Variants in PSMC5 observed in about 807,000 individuals in gnomAD.
The protein encoded by PSMC5 is proteasome 26S subunit, ATPase 5.
PSMC5 carries 11 observed loss-of-function variants against 49.1 expected under a neutral mutation model. The observed-to-expected ratio is 0.22, with a 90% CI of 0.14 to 0.37. The LOEUF (loss-of-function observed/expected upper bound fraction) is 0.37, where lower values mean the gene tolerates loss of function less well. Among genes scored for constraint, PSMC5 ranks in the 10% least tolerant of loss-of-function variants. The pLI is 1.00. For missense variants in PSMC5, 229 were observed against 520.9 expected (o/e 0.44, Z 5.45); for synonymous variants, 206 against 192.2 (o/e 1.07, Z -0.59).
In PSMC5 at chr17:63,831,484, G is replaced by C. The variant is rs1322829528; in HGVS notation, c.970-22G>C. The stretch of plus-strand genomic sequence containing the variant: ...CTGTGGGGGTGGGGTGTGGGGCTCA[G>C]GCTTTTCCTTGCCATCTCCAGGCCC... On this transcript the variant is annotated intron_variant, in intron 9 of 11. Transcript: ENST00000310144. This position sits in a 1 kb window ranked among gnomAD's most constrained non-coding sequence, Gnocchi z 6.3. The C allele has an allele frequency of 1.9e-6, 3 of 1,613,518 alleles. No individual in the cohort carries two copies. The highest frequency in any genetic ancestry group is 1.3e-5 in the African/African-American group (1 of 74,910).
At chr17:63,828,485 C>T (rs1435201275) in intron 2 of PSMC5, 1 of 320,482 alleles carries the variant, frequency 3.1e-6, no homozygotes, top group African/African-American at 2.2e-5. Flanking sequence ...AAGGTCAACC[C>T]TTTTGGAAGA....
Position 63,831,416 on chromosome 17 carries a change from C to T in PSMC5, c.960C>T (p.Pro320=). 6.2e-7 allele frequency: 1 copy of T among 1,613,904 alleles called. No homozygotes were observed. Among genetic ancestry groups the T allele is most frequent in the Non-Finnish European group, 8.5e-7 (1 of 1,179,918 alleles). ...RIDRKIEFPP[P]NEEARLDILK... is the part of the protein sequence containing the mutation. ...ACAGAAAAATTGAATTCCCACCCCC[C>T]AATGAGGAGGTTTGTGATGGACACT... The change falls in exon 9 of 12, where the codon CCC becomes CCT. Residue 320 remains proline (P), a synonymous_variant. Transcript: ENST00000310144. This position sits in a 1 kb window ranked among gnomAD's most constrained non-coding sequence, Gnocchi z 6.3.
intron 2 of PSMC5, 30 bp downstream of exon 2, chr17:63,828,239 AGGGTGAT>A: frequency 6.2e-7 from 1 of 1,607,480 alleles, no homozygotes; most frequent in Non-Finnish European, 8.5e-7. Flanking sequence ...GGAGCTAGGA[AGGGTGAT>A]GATGGGGGAT....
At position 63,830,502 on chromosome 17, in the gene PSMC5, G is replaced by A. The variant is rs1364022808; in HGVS notation, c.552+1G>A. 6.2e-7 allele frequency: 1 copy of A among 1,613,726 alleles called. No homozygotes were observed. The highest frequency in any genetic ancestry group is 8.5e-7 in the Non-Finnish European group (1 of 1,179,992). ...AGCACTGGGCATTGCTCAGCCCAAG[G>A]TGAGGAGCAGGGCTTCTCTGAGAGG... is the stretch of plus-strand genomic sequence containing the variant. On this transcript the variant is annotated splice_donor_variant, in intron 6 of 11. Transcript: ENST00000310144. LOFTEE classifies it high-confidence loss of function. This position sits in a 1 kb window ranked among gnomAD's most constrained non-coding sequence, Gnocchi z 4.0.
At position 63,830,416 on chromosome 17, in the gene PSMC5, A is replaced by G; in HGVS notation, c.467A>G (p.Lys156Arg). ...STYEMIGGLDKQIKEIKEVIE... is the reference protein window; with the variant it reads ...STYEMIGGLDRQIKEIKEVIE... ...TATGAGATGATTGGTGGACTGGACA[A>G]ACAGATCAAGGAGATCAAAGAAGTG... Residue 156 changes from lysine (K) to arginine (R), a missense_variant, in exon 6 of 12, where the codon AAA (lysine) becomes AGA (arginine). Coordinates refer to ENST00000310144, the MANE Select transcript of PSMC5 (RefSeq NM_002805.6). The surrounding 1 kb of genome is among the most constrained non-coding windows in gnomAD (Gnocchi z 4.0). 6.2e-7 allele frequency: 1 copy of G among 1,614,240 alleles called. No homozygotes were observed. The highest frequency in any genetic ancestry group is 8.5e-7 in the Non-Finnish European group (1 of 1,180,048).
chr17:63,827,500 G>A lies in PSMC5; in HGVS notation c.10G>A (p.Asp4Asn). Residue 4 changes from aspartate to asparagine, a missense_variant, in exon 1 of 12, where the codon GAC (aspartate) becomes AAC (asparagine). By Grantham distance (23) the Asp-to-Asn change is conservative. Around this residue, in one of 4 missense-constraint regions of PSMC5, gnomAD observed 98 missense variants for 144.0 expected, o/e 0.68. Transcript: ENST00000310144. ...CTGCTGAAGAGAGAAGATGGCGCTT[G>A]ACGGACCAGAGCAGGTATGGCGGGT... MAL[D>N]GPEQMELEEG... 2 of 1,551,752 alleles carry A rather than the reference G, an allele frequency of 1.3e-6. No individual in the cohort carries two copies. Among genetic ancestry groups the A allele is most frequent in the Non-Finnish European group, 1.7e-6 (2 of 1,147,002 alleles).
chr17:63,830,664 G>A lies in PSMC5; in HGVS notation c.553-145G>A. On this transcript the variant is annotated intron_variant, in intron 6 of 11. Coordinates refer to ENST00000310144, the MANE Select transcript of PSMC5 (RefSeq NM_002805.6). The surrounding 1 kb of genome is among the most constrained non-coding windows in gnomAD (Gnocchi z 4.0). ...TGGGGAAGTGTTCCTAGGGCGGTGA[G>A]GTGGTTTGGATAGAAGGGACCTTGA... The A allele has an allele frequency of 6.2e-6, 9 of 1,448,718 alleles. No homozygotes were observed. Among genetic ancestry groups the A allele is most frequent in the South Asian group, 1.4e-5 (1 of 71,352 alleles). 89.7% of individuals were successfully genotyped at this position (1,448,718 alleles called of 1,614,324 possible).
At position 63,830,659 on chromosome 17, in the gene PSMC5, G is replaced by A. The variant is rs542806795; in HGVS notation, c.553-150G>A. 9.7e-5 allele frequency: 141 copies of A among 1,451,416 alleles called. No homozygotes were observed. Among genetic ancestry groups the A allele is most frequent in the Middle Eastern group, 1.9e-4 (1 of 5,312 alleles). 89.9% of individuals were successfully genotyped at this position (1,451,416 alleles called of 1,614,324 possible). A position where few individuals can be genotyped will look rare whatever the true frequency, so the allele number is the denominator to read the frequency against. On this transcript the variant is annotated intron_variant, in intron 6 of 11. Coordinates refer to ENST00000310144, the MANE Select transcript of PSMC5 (RefSeq NM_002805.6). This position sits in a 1 kb window ranked among gnomAD's most constrained non-coding sequence, Gnocchi z 4.0. ...GTGGCTGGGGAAGTGTTCCTAGGGCGGTGAGGTGGTTTGGATAGAAGGGAC... is the reference window on the plus strand; with the variant it reads ...GTGGCTGGGGAAGTGTTCCTAGGGCAGTGAGGTGGTTTGGATAGAAGGGAC...
intron 3 of PSMC5, 124 bp downstream of exon 3, chr17:63,829,687 C>T (rs1387072796): frequency 1.6e-6 from 2 of 1,216,432 alleles, no homozygotes; most frequent in African/African-American, 3.0e-5. Context: ...AGTAGTTTCA[C>T]ATGCATCTCT....
Position 63,830,548 on chromosome 17 carries a change from C to A in PSMC5, c.552+47C>A. 6.3e-7 allele frequency: 1 copy of A among 1,597,840 alleles called. No homozygotes were observed. The highest frequency in any genetic ancestry group is 2.3e-5 in the East Asian group (1 of 44,312). ...AGAGGGCCAAGCTGTACTTACTCCTCCTGCCCCAGCCAGCCCTACTGCAGG... is the reference window on the plus strand; with the variant it reads ...AGAGGGCCAAGCTGTACTTACTCCTACTGCCCCAGCCAGCCCTACTGCAGG... On this transcript the variant is annotated intron_variant, in intron 6 of 11. Transcript: ENST00000310144. The surrounding 1 kb of genome is among the most constrained non-coding windows in gnomAD (Gnocchi z 4.0).
chr17:63,829,245 TC>T (rs2040151279), intron 2 of PSMC5: 2 of 406,036 alleles, frequency 4.9e-6, no homozygotes, highest in Non-Finnish European at 8.8e-6. Context: ...GTAACTTTTC[TC>T]CATTAGATTC....
At chr17:63,827,636 A>T (rs1468834899) in intron 1 of PSMC5, 122 bp downstream of exon 1, 54 of 1,523,158 alleles carry the variant, frequency 3.5e-5, no homozygotes. Flanking sequence ...GGACCAGTCC[A>T]TGCTGGACGC....
Position 63,830,056 on chromosome 17 carries a change from G to A in PSMC5, c.265-77G>A. On this transcript the variant is annotated intron_variant, in intron 4 of 11. Coordinates refer to ENST00000310144, the MANE Select transcript of PSMC5 (RefSeq NM_002805.6). This position sits in a 1 kb window ranked among gnomAD's most constrained non-coding sequence, Gnocchi z 4.0. ...TCTGTGTTCTGTCAAGGTATTGTGG[G>A]ATTCTCATAGGTCTTCCTGGGTAGG... The A allele has an allele frequency of 6.3e-7, 1 of 1,577,174 alleles. No individual in the cohort carries two copies. Among genetic ancestry groups the A allele is most frequent in the Admixed American group, 1.7e-5 (1 of 57,706 alleles).
intron 1 of PSMC5, 85 bp downstream of exon 1, chr17:63,827,599 G>A (rs1598352670): frequency 6.5e-7 from 1 of 1,550,156 alleles, no homozygotes; most frequent in Non-Finnish European, 8.7e-7. Flanking sequence ...GGCCGGGGCA[G>A]GAGCGTCGGG....
intron 1 of PSMC5, chr17:63,827,845 T>TTGAGGTAGAGG: frequency 7.0e-7 from 1 of 1,430,674 alleles, no homozygotes; most frequent in East Asian, 2.5e-5. Context: ...CACCTCGGGC[T>TTGAGGTAGAGG]TGTAGAGCAC....
intron 3 of PSMC5, 61 bp downstream of exon 3, chr17:63,829,624 C>T (rs2040157506): frequency 2.0e-6 from 3 of 1,480,604 alleles, no homozygotes; most frequent in East Asian, 2.5e-5. Context: ...GTCCTTATCT[C>T]CCTGCACTGT....
chr17:63,827,890 T>C (rs1372794903), intron 1 of PSMC5: 1 of 1,420,370 alleles, frequency 7.0e-7, no homozygotes, highest in Non-Finnish European at 9.2e-7. Flanking sequence ...GTCTATATCA[T>C]ATCGCCTCTC....
At chr17:63,829,764 G>A (rs878969530) in intron 3 of PSMC5, 88 bp from the exon 4 acceptor site, 34 of 1,413,978 alleles carry the variant, frequency 2.4e-5, no homozygotes, top group Non-Finnish European at 3.4e-5. Context: ...CCTTTAATAA[G>A]AGTGATGCTT....
chr17:63,827,504 G>T lies in PSMC5; in HGVS notation c.14G>T (p.Gly5Val). The part of the protein sequence containing the change: MALD[G>V]PEQMELEEGK... The stretch of plus-strand genomic sequence containing the variant: ...TGAAGAGAGAAGATGGCGCTTGACG[G>T]ACCAGAGCAGGTATGGCGGGTGCAG... Residue 5 changes from glycine (G) to valine (V), a missense_variant, in exon 1 of 12, where the codon GGA (glycine) becomes GTA (valine). Transcript: ENST00000310144. The T allele has an allele frequency of 6.4e-7, 1 of 1,551,764 alleles. No individual in the cohort carries two copies. Among genetic ancestry groups the T allele is most frequent in the Non-Finnish European group, 8.7e-7 (1 of 1,147,006 alleles).
Sources: gnomAD v4.1 joint callset for allele counts on GRCh38, gnomAD v4.1.1 for gene constraint, gnomAD v4.1.1 regional missense constraint, Gnocchi (gnomAD v3.1) non-coding constraint, MANE v1.5 for transcripts, NCBI Gene and HGNC (gene_info 2026-07-23, HGNC 2026-07-21) for gene names.